The following GRIK4 variants were observed in gnomAD, a reference collection of about 807,000 sequenced individuals.
GRIK4 encodes glutamate receptor ionotropic, kainate 4.
GRIK4 carries 40 observed loss-of-function variants against 104.9 expected under a neutral mutation model. That is an observed-to-expected ratio of 0.38 (90% CI 0.30 to 0.50). The LOEUF (loss-of-function observed/expected upper bound fraction) is 0.50. Ranked by LOEUF, GRIK4 falls within the 20% of genes least tolerant of loss-of-function variation. GRIK4 has a pLI of 0.93. For missense variants in GRIK4, 1,047 were observed against 1,308.1 expected (o/e 0.80, Z 3.08); for synonymous variants, 485 against 524.9 (o/e 0.92, Z 1.04).
At chr11:120,784,840 A>G (rs1952231457) in intron 3 of GRIK4, among the ~76,000 whole-genome samples, 1 of 151,896 alleles carries the variant, frequency 6.6e-6, no homozygotes, top group Admixed American at 6.6e-5. Flanking sequence ...AGTCTTTGAG[A>G]GCAGGGGACA....
intron 8 of GRIK4, among the ~76,000 whole-genome samples, chr11:120,846,400 T>A (rs1012577378): frequency 6.6e-6 from 1 of 152,218 alleles, no homozygotes; most frequent in Non-Finnish European, 1.5e-5. Flanking sequence ...TAATGTGAGG[T>A]GTGGCAGCCC....
At chr11:120,552,535 G>A (rs897281164) in intron 1 of GRIK4, among the ~76,000 whole-genome samples, 1 of 152,180 alleles carries the variant, frequency 6.6e-6, no homozygotes, top group African/African-American at 2.4e-5. Flanking sequence ...TCTGTAGGGA[G>A]GGCACAGGAT....
At chr11:120,750,337 A>C (rs78951930) in intron 3 of GRIK4, among the ~76,000 whole-genome samples, 1,589 of 150,466 alleles carry the variant, frequency 0.011, 20 homozygotes, top group East Asian at 0.06. Flanking sequence ...AGGGATCTAC[A>C]AACTAGAAAT....
chr11:120,685,703 C>G (rs1950264782), intron 3 of GRIK4, among the ~76,000 whole-genome samples: 1 of 152,156 alleles, frequency 6.6e-6, no homozygotes, highest in African/African-American at 2.4e-5. Flanking sequence ...CATCTCATCC[C>G]CCTTCACTTT....
At chr11:120,914,393 T>G (rs1326201499) in intron 13 of GRIK4, among the ~76,000 whole-genome samples, 1 of 152,078 alleles carries the variant, frequency 6.6e-6, no homozygotes, top group Non-Finnish European at 1.5e-5. Flanking sequence ...GCAGGTGAGG[T>G]GGCAAAACAG....
chr11:120,730,957 T>G (rs911288116), intron 3 of GRIK4, among the ~76,000 whole-genome samples: 2 of 152,214 alleles, frequency 1.3e-5, no homozygotes, highest in African/African-American at 4.8e-5. Flanking sequence ...TCTAATAGTT[T>G]TTTGGTGGAG....
intron 3 of GRIK4, among the ~76,000 whole-genome samples, chr11:120,712,770 A>G (rs1362629643): frequency 1.3e-5 from 2 of 152,204 alleles, no homozygotes; most frequent in Non-Finnish European, 2.9e-5. Context: ...GGCCTAGAGA[A>G]GGAAGACTCC....
chr11:120,917,254 AAAAAAAAAAAAAAAAAAAG>A (rs1332372421), intron 13 of GRIK4, among the ~76,000 whole-genome samples: 207 of 146,872 alleles, frequency 1.4e-3, no homozygotes, highest in African/African-American at 4.8e-3. Flanking sequence ...TCTCAAAAAA[AAAAAAAAAAAAAAAAAAAG>A]AAAGAAAGAA....
chr11:120,580,184 T>C (rs1948551467), intron 1 of GRIK4, among the ~76,000 whole-genome samples: 1 of 151,540 alleles, frequency 6.6e-6, no homozygotes, highest in Non-Finnish European at 1.5e-5. Flanking sequence ...TTCTACACAT[T>C]TGAGTACAAG....
At chr11:120,881,154 A>G (rs987941822) in intron 11 of GRIK4, among the ~76,000 whole-genome samples, 1 of 152,248 alleles carries the variant, frequency 6.6e-6, no homozygotes, top group Non-Finnish European at 1.5e-5. Context: ...GATGGGGCTG[A>G]ACAGCACAGA....
chr11:120,726,134 C>T (rs1951023884), intron 3 of GRIK4, among the ~76,000 whole-genome samples: 1 of 152,128 alleles, frequency 6.6e-6, no homozygotes, highest in South Asian at 2.1e-4. Context: ...AGCATTTGAA[C>T]ATGTTTTGGG....
At chr11:120,834,263 G>GGTGTGTGTGTGTGT (rs141196181) in intron 7 of GRIK4, among the ~76,000 whole-genome samples, 80 of 146,090 alleles carry the variant, frequency 5.5e-4, no homozygotes, top group Non-Finnish European at 8.3e-4. Flanking sequence ...ACACTTTATA[G>GGTGTGTGTGTGTGT]GTGTGTGTGT....
intron 13 of GRIK4, among the ~76,000 whole-genome samples, chr11:120,918,484 T>C (rs1339633975): frequency 6.6e-6 from 1 of 152,248 alleles, no homozygotes; most frequent in East Asian, 1.9e-4. Context: ...CCTCCATGTA[T>C]GGTTTGTGCA....
chr11:120,615,400 G>A (rs1294322558), intron 1 of GRIK4, among the ~76,000 whole-genome samples: 1 of 152,240 alleles, frequency 6.6e-6, no homozygotes, highest in Non-Finnish European at 1.5e-5. Context: ...CTAAAAGCCT[G>A]TTAATTATGC....
At chr11:120,550,180 G>A (rs558559199) in intron 1 of GRIK4, among the ~76,000 whole-genome samples, 68 of 152,026 alleles carry the variant, frequency 4.5e-4, no homozygotes, top group Non-Finnish European at 7.8e-4. Flanking sequence ...TACACCCAGG[G>A]GTGGTGGCAG....
At chr11:120,934,795 TGCCACAGCCGG>T (rs1425032853) in intron 13 of GRIK4, among the ~76,000 whole-genome samples, 2 of 152,198 alleles carry the variant, frequency 1.3e-5, no homozygotes, top group Non-Finnish European at 2.9e-5. Context: ...ATCCGCCCCA[TGCCACAGCCGG>T]GCACATGGGA....
intron 1 of GRIK4, among the ~76,000 whole-genome samples, chr11:120,609,542 T>C (rs1449638557): frequency 1.3e-5 from 1 of 79,486 alleles, no homozygotes. Context: ...TTTTTTTTTT[T>C]TTGAGACAGA....
intron 8 of GRIK4, chr11:120,859,207 A>C (rs1239538886): frequency 6.6e-6 from 1 of 151,590 alleles, no homozygotes; most frequent in Non-Finnish European, 1.5e-5. Flanking sequence ...AAGCTACCCC[A>C]GATTTCACGG....
At chr11:120,731,453 G>A (rs1443729374) in intron 3 of GRIK4, among the ~76,000 whole-genome samples, 1 of 151,950 alleles carries the variant, frequency 6.6e-6, no homozygotes, top group African/African-American at 2.4e-5. Flanking sequence ...TTAATATATT[G>A]TTAAATTTGG....
Sources: gnomAD v4.1 joint callset for allele counts (sites outside exome capture counted in the v4.1 genomes callset) on GRCh38, gnomAD v4.1.1 for gene constraint, MANE v1.5 for transcripts, NCBI Gene and HGNC (gene_info 2026-07-23, HGNC 2026-07-21) for gene names.